Variants in GPC5 observed in about 807,000 individuals in gnomAD.
The protein encoded by GPC5 is glypican 5.
In GPC5, 47 loss-of-function variants were observed where a neutral mutation model predicts 53.9. The observed-to-expected ratio is 0.87, with a 90% CI of 0.69 to 1.11. The LOEUF is 1.11. Ranked by LOEUF, GPC5 falls within the 50% of genes most tolerant of loss-of-function variation. The pLI is 0.00. For synonymous variants in GPC5, 286 were observed against 263.3 expected, an observed-to-expected ratio of 1.09 and a Z score of -0.84; for missense variants, 748 against 713.1, an observed-to-expected ratio of 1.05 and a Z score of -0.56.
chr13:91,588,336 C>A (rs1390196616), intron 2 of GPC5, among the ~76,000 whole-genome samples: 2 of 152,066 alleles, frequency 1.3e-5, no homozygotes, highest in African/African-American at 4.8e-5. Flanking sequence ...CAGATTGTTC[C>A]AAAGAGCATA....
chr13:92,161,956 CATAT>C (rs55867004), intron 7 of GPC5, among the ~76,000 whole-genome samples: 3,311 of 95,810 alleles, frequency 0.035, 60 homozygotes, highest in African/African-American at 0.049. Flanking sequence ...AATATATAGC[CATAT>C]ATATATATAT....
chr13:91,432,162 T>G, intron 1 of GPC5, among the ~76,000 whole-genome samples: 1 of 151,254 alleles, frequency 6.6e-6, no homozygotes. Context: ...TCATCCCTCA[T>G]GTAGCTAGAT....
At chr13:92,784,404 A>G (rs1409864754) in intron 7 of GPC5, among the ~76,000 whole-genome samples, 1 of 152,038 alleles carries the variant, frequency 6.6e-6, no homozygotes, top group African/African-American at 2.4e-5. Flanking sequence ...TATGATGAAA[A>G]TTGCCAGAGG....
At chr13:91,675,317 C>T (rs1170365027) in intron 2 of GPC5, among the ~76,000 whole-genome samples, 1 of 152,136 alleles carries the variant, frequency 6.6e-6, no homozygotes, top group East Asian at 1.9e-4. Flanking sequence ...TCACAATTCT[C>T]CATGATTCTG....
intron 6 of GPC5, among the ~76,000 whole-genome samples, chr13:92,005,531 A>G (rs2040598818): frequency 6.6e-6 from 1 of 152,096 alleles, no homozygotes. Flanking sequence ...AGGGTTCCTT[A>G]TCCTCCTCTT....
Position 92,747,211 on chromosome 13 carries a change from G to A in GPC5, c.1562-119071G>A, listed in dbSNP as rs548979605. ...TAGTATTTTTGTAAATTGGCCTAAC[G>A]GTTATTTGTGCTCTATATGCACAAG... On this transcript the variant is annotated intron_variant, in intron 7 of 7. Transcript: ENST00000377067. Among the ~76,000 whole-genome samples the A allele has an allele frequency of 7.2e-4, 109 of 152,164 alleles. 1 individual carries two copies. The highest frequency in any genetic ancestry group is 1.2e-3 in the African/African-American group (50 of 41,524).
intron 6 of GPC5, among the ~76,000 whole-genome samples, chr13:91,964,604 C>T (rs189218616): frequency 6.6e-6 from 1 of 152,204 alleles, no homozygotes; most frequent in Non-Finnish European, 1.5e-5. Context: ...AAACCTTTAG[C>T]TAGACATAGA....
chr13:91,661,233 T>C (rs2034980107), intron 2 of GPC5, among the ~76,000 whole-genome samples: 1 of 152,218 alleles, frequency 6.6e-6, no homozygotes, highest in Admixed American at 6.5e-5. Flanking sequence ...TCTTTCTTAC[T>C]GTGATGGCAT....
At chr13:91,414,605 A>AT (rs1878046840) in intron 1 of GPC5, among the ~76,000 whole-genome samples, 1 of 152,170 alleles carries the variant, frequency 6.6e-6, no homozygotes, top group South Asian at 2.1e-4. Context: ...AGGGGGAGGG[A>AT]TGCAGATGGG....
At chr13:92,122,622 A>C (rs1594772083) in intron 6 of GPC5, among the ~76,000 whole-genome samples, 2 of 126,084 alleles carry the variant, frequency 1.6e-5, no homozygotes, top group Middle Eastern at 4.0e-3. Context: ...CTCACCTTCC[A>C]TTCAGCACAG....
intron 7 of GPC5, among the ~76,000 whole-genome samples, chr13:92,478,835 A>C (rs961348559): frequency 6.6e-6 from 1 of 151,886 alleles, no homozygotes; most frequent in East Asian, 1.9e-4. Flanking sequence ...GAAATCTTAT[A>C]CTCTTGCTTC....
chr13:92,470,157 C>T (rs779742100), intron 7 of GPC5, among the ~76,000 whole-genome samples: 98 of 151,970 alleles, frequency 6.4e-4, no homozygotes, highest in Non-Finnish European at 6.0e-4. Flanking sequence ...TTAAGGATCA[C>T]GTTTAATTAT....
intron 7 of GPC5, among the ~76,000 whole-genome samples, chr13:92,832,790 T>A (rs991187512): frequency 3.9e-5 from 6 of 152,116 alleles, no homozygotes; most frequent in Admixed American, 6.6e-5. Context: ...GGCAGATCAC[T>A]TGAGGTCAGG....
intron 1 of GPC5, among the ~76,000 whole-genome samples, chr13:91,421,202 C>T (rs934637680): frequency 5.3e-5 from 8 of 152,168 alleles, no homozygotes; most frequent in African/African-American, 1.9e-4. Context: ...CTCTTAGCTT[C>T]TGTTCACAGA....
At chr13:92,108,264 A>T (rs913522713) in intron 6 of GPC5, among the ~76,000 whole-genome samples, 5 of 152,238 alleles carry the variant, frequency 3.3e-5, no homozygotes, top group African/African-American at 1.2e-4. Context: ...GGGTAATAAA[A>T]GGGTACTTAT....
chr13:92,637,179 T>C (rs1425209126), intron 7 of GPC5, among the ~76,000 whole-genome samples: 1 of 152,174 alleles, frequency 6.6e-6, no homozygotes, highest in Non-Finnish European at 1.5e-5. Context: ...ACAAAAATGA[T>C]TTTTCTGAAG....
intron 1 of GPC5, among the ~76,000 whole-genome samples, chr13:91,417,882 AC>A (rs567083652): frequency 4.1e-4 from 63 of 152,238 alleles, no homozygotes; most frequent in African/African-American, 1.5e-3. Context: ...TTATTCTGAT[AC>A]TTTTCACACA....
At chr13:92,083,595 A>G (rs1381607728) in intron 6 of GPC5, among the ~76,000 whole-genome samples, 3 of 152,192 alleles carry the variant, frequency 2.0e-5, no homozygotes, top group Non-Finnish European at 2.9e-5. Flanking sequence ...TCCGTACATT[A>G]TATTTTATGT....
intron 7 of GPC5, among the ~76,000 whole-genome samples, chr13:92,245,717 A>T (rs2042645537): frequency 6.6e-6 from 1 of 152,150 alleles, no homozygotes; most frequent in Non-Finnish European, 1.5e-5. Flanking sequence ...AACAGAAAAT[A>T]TATTTTACTA....
Sources: allele counts gnomAD v4.1 joint callset (sites outside exome capture counted in the v4.1 genomes callset), GRCh38; gene constraint gnomAD v4.1.1; transcripts MANE v1.5; gene names NCBI Gene and HGNC (gene_info 2026-07-23, HGNC 2026-07-21).